Variants in HSPG2 observed in about 807,000 individuals in gnomAD.
HSPG2 encodes heparan sulfate proteoglycan 2, also known as basement membrane-specific heparan sulfate proteoglycan core protein.
A neutral mutation model predicts 526.6 loss-of-function variants in HSPG2; 278 were observed. The ratio of observed to expected loss-of-function variants is 0.53; its 90% confidence interval spans 0.48 to 0.58. The LOEUF (loss-of-function observed/expected upper bound fraction) is 0.58, where lower values mean the gene tolerates loss of function less well. Ranked by LOEUF, HSPG2 falls within the 20% of genes least tolerant of loss-of-function variation. The pLI, the probability that HSPG2 is intolerant of heterozygous loss-of-function variation, is 0.00. For missense variants in HSPG2, 5,354 were observed against 6,099.5 expected (o/e 0.88, Z 4.07); for synonymous variants, 2,465 against 2,555.4 (o/e 0.96, Z 1.07).
At chr1:21,931,615 G>A (rs1282953012) in intron 1 of HSPG2, among the ~76,000 whole-genome samples, 7 of 152,156 alleles carry the variant, frequency 4.6e-5, no homozygotes, top group Non-Finnish European at 8.8e-5. Flanking sequence ...TGAAGGGGAG[G>A]GGGGCAACAG....
rs145914744 is a variant in HSPG2, at chr1:21,884,892, C to T, written c.1382G>A (p.Arg461His). The change falls in exon 12 of 97, where the codon CGT becomes CAT. Residue 461 changes from arginine to histidine, a missense_variant. By Grantham distance (29) the Arg-to-His change is conservative (BLOSUM62 0). Coordinates refer to ENST00000374695, the MANE Select transcript of HSPG2 (RefSeq NM_005529.7). ...CACATCACGGATGATCAGTGTGCCA[C>T]GGCCACCCTCGCTGGTCACTGTCAC... ...PRVTVTSEGG[R>H]GTLIIRDVKE... 8.1e-6 allele frequency: 13 copies of T among 1,613,866 alleles called. No individual in the cohort carries two copies. Among genetic ancestry groups the T allele is most frequent in the Admixed American group, 3.3e-5 (2 of 60,012 alleles).
At chr1:21,877,258 T>A (rs1007589640) in intron 21 of HSPG2, among the ~76,000 whole-genome samples, 1 of 152,154 alleles carries the variant, frequency 6.6e-6, no homozygotes, top group African/African-American at 2.4e-5. Context: ...CTTCTATTTA[T>A]GGAGTGTTTC....
rs375611508 is a variant in HSPG2 at position 21,876,668 on chromosome 1, T to C, written c.2686-16A>G. Reference sequence around the variant, plus strand: ...CCACATTGTTCTGCAGGCACAGAGTTGGAGCTGAAGGACAGCCCATGGGAG... The same window carrying C: ...CCACATTGTTCTGCAGGCACAGAGTCGGAGCTGAAGGACAGCCCATGGGAG... On this transcript the variant is annotated splice_polypyrimidine_tract_variant and intron_variant, in intron 21 of 96. Transcript: ENST00000374695. 1 of 1,614,160 alleles carries C rather than the reference T, an allele frequency of 6.2e-7. No individual in the cohort carries two copies. Among genetic ancestry groups the C allele is most frequent in the Non-Finnish European group, 8.5e-7 (1 of 1,180,008 alleles).
At chr1:21,888,166 G>A in intron 6 of HSPG2, 100 bp from the exon 7 acceptor site, 1 of 1,521,742 alleles carries the variant, frequency 6.6e-7, no homozygotes, top group Non-Finnish European at 9.0e-7. Flanking sequence ...AGGGCCCTGT[G>A]TCAGGCAGCT....
intron 37 of HSPG2, among the ~76,000 whole-genome samples, chr1:21,863,894 GT>G (rs1640021831): frequency 6.6e-6 from 1 of 152,134 alleles, no homozygotes; most frequent in African/African-American, 2.4e-5. Context: ...AAGAACCAAA[GT>G]TTTCTTTACA....
In HSPG2 at chr1:21,828,974, C is replaced by T. The variant is rs572454009; in HGVS notation, c.12098G>A (p.Arg4033His). 2.2e-5 allele frequency: 35 copies of T among 1,576,366 alleles called. No homozygotes were observed. The highest frequency in any genetic ancestry group is 6.7e-5 in the African/African-American group (5 of 74,200). ...GCCGGGCGAGGAGCGCAGCACAGGG[C>T]GTCCACCATTCACCCGCAGGCTGCC... ...KDGSLRVNGG[R>H]PVLRSSPGKS... The change falls in exon 88 of 97, where the codon CGC becomes CAC. Residue 4033 changes from arginine to histidine, a missense_variant. By Grantham distance (29) the Arg-to-His change is conservative (BLOSUM62 0). Transcript: ENST00000374695. This position sits in a 1 kb window ranked among gnomAD's most constrained non-coding sequence, Gnocchi z 6.0.
Position 21,860,240 on chromosome 1 carries a change from A to G in HSPG2, c.4956-5T>C. On this transcript the variant is annotated splice_polypyrimidine_tract_variant and splice_region_variant and intron_variant, in intron 39 of 96. Transcript: ENST00000374695. ...CCCACGTAACCTGGGCCACACCTGTAAGGGGGAACAAGGGCCGGCAATGTC... is the reference window on the plus strand; with the variant it reads ...CCCACGTAACCTGGGCCACACCTGTGAGGGGGAACAAGGGCCGGCAATGTC... The G allele has an allele frequency of 6.2e-7, 1 of 1,612,390 alleles. No homozygotes were observed.
In HSPG2 at chr1:21,875,003, C is replaced by CT. The variant is rs774515226; in HGVS notation, c.3303-2dup. On this transcript the variant is annotated splice_acceptor_variant, in intron 25 of 96. Transcript: ENST00000374695. LOFTEE classifies it high-confidence loss of function. ...CACGTCCATGCTGATGCCAGAGACC[C>CT]TGGGCGTGACAAGACCCAGCGTGAA... is the stretch of plus-strand genomic sequence containing the variant. The CT allele has an allele frequency of 4.4e-6, 7 of 1,590,692 alleles. No homozygotes were observed. The highest frequency in any genetic ancestry group is 6.0e-6 in the Non-Finnish European group (7 of 1,167,600).
At position 21,836,851 on chromosome 1, in the gene HSPG2, C is replaced by A; in HGVS notation, c.10306G>T (p.Glu3436Ter). The A allele has an allele frequency of 6.3e-7, 1 of 1,582,682 alleles. No individual in the cohort carries two copies. The change falls in exon 75 of 97, where the codon GAA becomes TAA. Residue 3436 changes from glutamate (E) to a stop codon, truncating the protein, a stop_gained. Transcript: ENST00000374695. LOFTEE classifies it high-confidence loss of function. Reference sequence around the variant, plus strand: ...TGACCCGGAGGCAGCTGACCCCCTTCCTTGAACCAACGGAGCTGGGTACCC... The same window carrying A: ...TGACCCGGAGGCAGCTGACCCCCTTACTTGAACCAACGGAGCTGGGTACCC... Reference protein sequence around the residue: ...DRGTQLRWFKEGGQLPPGHSV... With the variant: ...DRGTQLRWFK
chr1:21,880,864 C>T (rs1395250327), intron 14 of HSPG2, 29 bp from the exon 15 acceptor site: 2 of 1,568,108 alleles, frequency 1.3e-6, no homozygotes, highest in Admixed American at 1.9e-5. Flanking sequence ...TCAGCACGGG[C>T]AGCTGTGGGC....
At chr1:21,832,937 A>AGGAGGAAAGGGTGAGATGGAGGC in intron 80 of HSPG2, 1 of 554,866 alleles carries the variant, frequency 1.8e-6, no homozygotes. Context: ...AGAGAAAGAG[A>AGGAGGAAAGGGTGAGATGGAGGC]GGAGGAAAGG....
In HSPG2 at chr1:21,830,049, C is replaced by T; in HGVS notation, c.11714G>A (p.Gly3905Asp). ...PDATCVNRPDGRGYTCRCHLG... is the reference protein window; with the variant it reads ...PDATCVNRPDDRGYTCRCHLG... ...GTGGCAGCGGCAGGTGTAGCCTCGA[C>T]CGTCAGGCCGGTTCACACAGGTGGC... Residue 3905 changes from glycine to aspartate, a missense_variant, in exon 86 of 97, where the codon GGT becomes GAT. Gly to Asp is a moderately conservative substitution (Grantham distance 94). Transcript: ENST00000374695. 1 of 1,604,552 alleles carries T rather than the reference C, an allele frequency of 6.2e-7. No homozygotes were observed. Among genetic ancestry groups the T allele is most frequent in the African/African-American group, 1.3e-5 (1 of 74,940 alleles).
At position 21,839,901 on chromosome 1, in the gene HSPG2, C is replaced by T. The variant is rs762134105; in HGVS notation, c.9630G>A (p.Gly3210=). The part of the protein sequence containing the change: ...VIVDTGAMAP[G]APQVQAEEAE... ...CTTCTTCAGCTTGGACCTGAGGGGC[C>T]CCTGGGGCCATGGCGCCCGTGTCCA... The change falls in exon 72 of 97, where the codon GGG becomes GGA. Residue 3210 remains glycine, a synonymous_variant. Coordinates refer to ENST00000374695, the MANE Select transcript of HSPG2 (RefSeq NM_005529.7). This position sits in a 1 kb window ranked among gnomAD's most constrained non-coding sequence, Gnocchi z 4.5. 1.2e-6 allele frequency: 2 copies of T among 1,614,170 alleles called. No homozygotes were observed. Among genetic ancestry groups the T allele is most frequent in the South Asian group, 2.2e-5 (2 of 91,084 alleles).
intron 9 of HSPG2, among the ~76,000 whole-genome samples, chr1:21,886,071 C>T (rs1027461810): frequency 7.2e-5 from 11 of 152,228 alleles, no homozygotes; most frequent in Admixed American, 2.0e-4. Context: ...GAGCGGAAGC[C>T]GCGCATCCAC....
intron 1 of HSPG2, among the ~76,000 whole-genome samples, chr1:21,899,630 TGAGATCACTGG>T (rs1168219679): frequency 6.6e-6 from 1 of 152,148 alleles, no homozygotes; most frequent in Admixed American, 6.5e-5. Context: ...GAAGCAGATA[TGAGATCACTGG>T]GAGTCACTCT....
At chr1:21,878,919 T>A in intron 18 of HSPG2, 75 bp downstream of exon 18, 1 of 1,546,916 alleles carries the variant, frequency 6.5e-7, no homozygotes, top group Non-Finnish European at 8.8e-7. Context: ...GTCTCCTGCC[T>A]CCCTGCCCAG....
rs146912957 is a variant in HSPG2, at chr1:21,916,828, C to G, written c.63+20327G>C. 4.3e-4 allele frequency among the ~76,000 whole-genome samples: 66 copies of G among 152,314 alleles called. No individual in the cohort carries two copies. In the East Asian group the frequency reaches 0.011, roughly 26 times the overall value. On this transcript the variant is annotated intron_variant, in intron 1 of 96. Transcript: ENST00000374695. Reference sequence around the variant, plus strand: ...ACCATCATTGATCCTTAGGCCAAGGCTGGAGATGGAGCTATCTCCATTTTA... The same window carrying G: ...ACCATCATTGATCCTTAGGCCAAGGGTGGAGATGGAGCTATCTCCATTTTA...
In HSPG2 at chr1:21,859,902, G is replaced by A. The variant is rs370558075; in HGVS notation, c.5115C>T (p.Pro1705=). 2.5e-6 allele frequency: 4 copies of A among 1,610,556 alleles called. No individual in the cohort carries two copies. Among genetic ancestry groups the A allele is most frequent in the South Asian group, 1.1e-5 (1 of 90,096 alleles). Reference sequence around the variant, plus strand: ...CCTCACGGGACCAATAGAAGTAGTGGGGTGGGCTCCCACTGACCTGACACC... The same window carrying A: ...CCTCACGGGACCAATAGAAGTAGTGAGGTGGGCTCCCACTGACCTGACACC... ...SLRCQVSGSP[P]HYFYWSREDG... Residue 1705 remains proline, a synonymous_variant, in exon 41 of 97, where the codon CCC becomes CCT. Transcript: ENST00000374695. The surrounding 1 kb of genome is among the most constrained non-coding windows in gnomAD (Gnocchi z 5.3).
At position 21,822,488 on chromosome 1, in the gene HSPG2, ATCCGTCCGTCCG is replaced by A. The variant is rs750951967; in HGVS notation, c.*816_*827del. ...CTAGCTCTTCCTGAGCACCAGCGGC[ATCCGTCCGTCCG>A]TTGTCTGTTGGAGGAGTCCCTGGGC... On this transcript the variant is annotated 3_prime_UTR_variant, in exon 97 of 97. Coordinates refer to ENST00000374695, the MANE Select transcript of HSPG2 (RefSeq NM_005529.7). 2 of 457,824 alleles carry A rather than the reference ATCCGTCCGTCCG, an allele frequency of 4.4e-6. No individual in the cohort carries two copies. Among genetic ancestry groups the A allele is most frequent in the African/African-American group, 4.0e-5 (2 of 50,138 alleles). The allele number at this position is 457,824 out of a possible 1,614,324, so 28.4% of individuals were successfully genotyped here. A position where few individuals can be genotyped will look rare whatever the true frequency, so the allele number is the denominator to read the frequency against.
Sources: allele counts gnomAD v4.1 joint callset (sites outside exome capture counted in the v4.1 genomes callset), GRCh38; gene constraint gnomAD v4.1.1; non-coding constraint Gnocchi (gnomAD v3.1); transcripts MANE v1.5; gene names NCBI Gene and HGNC (gene_info 2026-07-23, HGNC 2026-07-21).